Variants in AMBP observed in about 807,000 individuals in gnomAD.
The protein encoded by AMBP is protein AMBP.
A neutral mutation model predicts 46.3 loss-of-function variants in AMBP; 37 were observed. The observed-to-expected ratio is 0.80, with a 90% CI of 0.61 to 1.05. AMBP has a LOEUF of 1.05. AMBP is among the 50% of genes least tolerant of loss of function. The pLI is 0.00. For missense variants in AMBP, 475 were observed against 461.2 expected, an observed-to-expected ratio of 1.03 and a Z score of -0.27; for synonymous variants, 174 against 175.9, an observed-to-expected ratio of 0.99 and a Z score of 0.09.
chr9:114,061,632 T>A, intron 7 of AMBP, 41 bp from the exon 8 acceptor site: 3 of 1,532,248 alleles, frequency 2.0e-6, no homozygotes, highest in Non-Finnish European at 2.6e-6. Context: ...AAGTGTTGAC[T>A]GTGTACCCAT....
At chr9:114,068,657 T>C (rs1311536884) in intron 6 of AMBP, among the ~76,000 whole-genome samples, 1 of 151,968 alleles carries the variant, frequency 6.6e-6, no homozygotes, top group Non-Finnish European at 1.5e-5. Flanking sequence ...TTTTAAAAAT[T>C]AGAAATAGCA....
chr9:114,076,739 A>T lies in AMBP; in HGVS notation c.119T>A (p.Ile40Asn). The T allele has an allele frequency of 6.2e-7, 1 of 1,613,866 alleles. No homozygotes were observed. Residue 40 changes from isoleucine to asparagine, a missense_variant and splice_region_variant, in exon 2 of 10, where the codon ATC becomes AAC. Ile to Asn is a moderately radical substitution (Grantham distance 149). Transcript: ENST00000265132. ...QVQENFNISR[I>N]YGKWYNLAIG... ...GGCCAGGTTGTACCACTTCCCATAG[A>T]TCTAGGAGGCAGGTGAGCTCTGGGG...
rs955538640 is a variant in AMBP, at chr9:114,069,986, A to C, written c.557-241T>G. ...CCCACCCCACTAGCATCATTTTATC[A>C]GCATCATGGAAAGAATAGCAATAGC... On this transcript the variant is annotated intron_variant, in intron 5 of 9. Transcript: ENST00000265132. The C allele has an allele frequency of 9.1e-6, 5 of 550,272 alleles. No homozygotes were observed. In the East Asian group the frequency reaches 1.5e-4, roughly 16 times the overall value. The allele number at this position is 550,272 out of a possible 1,614,324, so 34.1% of individuals were successfully genotyped here. A position where few individuals can be genotyped will look rare whatever the true frequency, so the allele number is the denominator to read the frequency against.
At position 114,078,291 on chromosome 9, in the gene AMBP, G is replaced by T; in HGVS notation, c.-82C>A. 1.5e-6 allele frequency: 2 copies of T among 1,346,286 alleles called. No homozygotes were observed. The highest frequency in any genetic ancestry group is 2.1e-6 in the Non-Finnish European group (2 of 956,876). The allele number at this position is 1,346,286 out of a possible 1,614,324, so 83.4% of individuals were successfully genotyped here. The stretch of plus-strand genomic sequence containing the variant: ...GCCACCGCCTCCCTGCAACAGGGCA[G>T]CTGTGAACTGAGGCTGGGGAAGGGG... On this transcript the variant is annotated 5_prime_UTR_variant, in exon 1 of 10. The change creates a new upstream start codon in the 5' untranslated region. Transcript: ENST00000265132.
At chr9:114,061,223 G>A in intron 8 of AMBP, 125 bp from the exon 9 acceptor site, 1 of 1,397,444 alleles carries the variant, frequency 7.2e-7, no homozygotes, top group Non-Finnish European at 9.7e-7. Flanking sequence ...GACAGATGGG[G>A]AAACTGGGGC....
At chr9:114,073,524 G>T (rs1846768541) in intron 4 of AMBP, among the ~76,000 whole-genome samples, 1 of 146,212 alleles carries the variant, frequency 6.8e-6, no homozygotes, top group Non-Finnish European at 1.5e-5. Context: ...TTGAGACAGG[G>T]TCTTGCTCTG....
intron 4 of AMBP, among the ~76,000 whole-genome samples, chr9:114,073,623 G>A (rs980481291): frequency 4.6e-5 from 7 of 151,270 alleles, no homozygotes; most frequent in African/African-American, 1.7e-4. Context: ...TAAGCTTCCT[G>A]AGTAGCTGGG....
chr9:114,068,466 C>T (rs1041812505), intron 6 of AMBP, among the ~76,000 whole-genome samples: 2 of 151,796 alleles, frequency 1.3e-5, no homozygotes, highest in African/African-American at 2.4e-5. Flanking sequence ...ATTAGCCAAG[C>T]GTGGTAGTGG....
At chr9:114,061,201 T>C in intron 8 of AMBP, 103 bp from the exon 9 acceptor site, 1 of 1,451,256 alleles carries the variant, frequency 6.9e-7, no homozygotes, top group Non-Finnish European at 9.3e-7. Context: ...CTAGAACACC[T>C]CATCCCTCGT....
chr9:114,073,408 A>G (rs559157614), intron 4 of AMBP, among the ~76,000 whole-genome samples: 46 of 150,730 alleles, frequency 3.1e-4, no homozygotes, highest in Non-Finnish European at 5.5e-4. Flanking sequence ...CACCACGCCC[A>G]GCTAATGTTT....
intron 9 of AMBP, 60 bp from the exon 10 acceptor site, chr9:114,060,330 A>G (rs2269456): frequency 0.66 from 1,043,628 of 1,588,208 alleles, 347,720 homozygotes; most frequent in African/African-American, 0.83. Flanking sequence ...GGGAAGGGAA[A>G]GCAGCTGTCG....
At chr9:114,065,446 T>G (rs1425224349) in intron 6 of AMBP, among the ~76,000 whole-genome samples, 1 of 152,148 alleles carries the variant, frequency 6.6e-6, no homozygotes, top group Non-Finnish European at 1.5e-5. Flanking sequence ...CACAGATTCT[T>G]TCTCGAAGCC....
chr9:114,073,340 G>A (rs183085253), intron 4 of AMBP, among the ~76,000 whole-genome samples: 2,086 of 151,552 alleles, frequency 0.014, 46 homozygotes, highest in African/African-American at 0.047. Flanking sequence ...TCTGCCTCCC[G>A]GGTTCCCGCC....
At chr9:114,073,865 AAG>A (rs1168087453) in intron 4 of AMBP, among the ~76,000 whole-genome samples, 169 bp downstream of exon 4, 2 of 152,150 alleles carry the variant, frequency 1.3e-5, no homozygotes, top group Non-Finnish European at 2.9e-5. Context: ...AGAGATCAAA[AAG>A]AGAGAATTTC....
chr9:114,075,762 T>C (rs954097893), intron 2 of AMBP, among the ~76,000 whole-genome samples: 1 of 152,156 alleles, frequency 6.6e-6, no homozygotes, highest in African/African-American at 2.4e-5. Context: ...AAGAAGGGCA[T>C]GTAACCTGAA....
intron 6 of AMBP, among the ~76,000 whole-genome samples, chr9:114,065,222 A>G (rs1846681800): frequency 6.6e-6 from 1 of 152,180 alleles, no homozygotes; most frequent in African/African-American, 2.4e-5. Flanking sequence ...ATGTGACCTT[A>G]TTTGGAAATC....
chr9:114,076,825 C>T (rs1333594798), intron 1 of AMBP, 85 bp from the exon 2 acceptor site: 1 of 1,492,740 alleles, frequency 6.7e-7, no homozygotes, highest in Non-Finnish European at 9.1e-7. Flanking sequence ...CACCCTCCAC[C>T]TCCTCCTCTT....
chr9:114,073,970 A>C (rs1846773859), intron 4 of AMBP, 66 bp downstream of exon 4: 1 of 1,476,466 alleles, frequency 6.8e-7, no homozygotes, highest in Non-Finnish European at 9.5e-7. Context: ...TACCCACTCC[A>C]CTGTCCATAA....
chr9:114,069,817 T>G, intron 5 of AMBP, 72 bp from the exon 6 acceptor site: 1 of 1,511,838 alleles, frequency 6.6e-7, no homozygotes, highest in Non-Finnish European at 9.2e-7. Flanking sequence ...CCCGGATTTG[T>G]ATCTTTGGTG....
Sources: allele counts gnomAD v4.1 joint callset (sites outside exome capture counted in the v4.1 genomes callset), GRCh38; gene constraint gnomAD v4.1.1; transcripts MANE v1.5; gene names NCBI Gene and HGNC (gene_info 2026-07-23, HGNC 2026-07-21).